The following HIF3A variants were observed in gnomAD, a reference collection of about 807,000 sequenced individuals.
HIF3A encodes hypoxia-inducible factor 3-alpha.
A neutral mutation model predicts 67.2 loss-of-function variants in HIF3A; 41 were observed. The ratio of observed to expected loss-of-function variants is 0.61; its 90% CI spans 0.48 to 0.79. The LOEUF is 0.79. Among genes scored for constraint, HIF3A ranks in the 30% least tolerant of loss-of-function variants. HIF3A has a pLI of 0.00. For missense variants in HIF3A, 855 were observed against 898.0 expected (o/e 0.95, Z 0.61); for synonymous variants, 356 against 374.8 (o/e 0.95, Z 0.58).
At chr19:46,322,458 G>A (rs1307805329) in intron 10 of HIF3A, among the ~76,000 whole-genome samples, 2 of 151,856 alleles carry the variant, frequency 1.3e-5, no homozygotes, top group Non-Finnish European at 2.9e-5. Context: ...TTTTATTTTC[G>A]AGATGGAGTC....
intron 1 of HIF3A, among the ~76,000 whole-genome samples, chr19:46,302,497 C>G (rs1388041965): frequency 6.6e-6 from 1 of 152,210 alleles, no homozygotes; most frequent in African/African-American, 2.4e-5. Context: ...GGGGCACAAT[C>G]ATGGCTCACT....
At chr19:46,303,709 G>C in intron 1 of HIF3A, 189 bp from the exon 2 acceptor site, 1 of 1,571,898 alleles carries the variant, frequency 6.4e-7, no homozygotes, top group Non-Finnish European at 8.6e-7. Context: ...GCTAGGAAGG[G>C]CTCCACAGTG....
intron 2 of HIF3A, among the ~76,000 whole-genome samples, chr19:46,304,446 GTC>G (rs1481104538): frequency 6.6e-6 from 1 of 152,124 alleles, no homozygotes; most frequent in Non-Finnish European, 1.5e-5. Context: ...ATAGGCCCTG[GTC>G]TCTCATAATA....
At chr19:46,298,817 G>A (rs1410881167) in intron 1 of HIF3A, among the ~76,000 whole-genome samples, 1 of 152,084 alleles carries the variant, frequency 6.6e-6, no homozygotes, top group Non-Finnish European at 1.5e-5. Context: ...TCTCTGCAAT[G>A]CCAAAAGGCA....
intron 11 of HIF3A, among the ~76,000 whole-genome samples, chr19:46,326,892 G>A (rs747271738): frequency 2.0e-5 from 3 of 152,264 alleles, no homozygotes; most frequent in Admixed American, 6.5e-5. Context: ...GGTGGCTCAC[G>A]CCTGTAATCC....
chr19:46,323,878 C>T (rs1568532785), intron 10 of HIF3A, among the ~76,000 whole-genome samples: 1 of 152,128 alleles, frequency 6.6e-6, no homozygotes, highest in Non-Finnish European at 1.5e-5. Flanking sequence ...TGGGAGAGAC[C>T]ACCCCCATGA....
intron 11 of HIF3A, 28 bp from the exon 12 acceptor site, chr19:46,329,179 C>A: frequency 6.4e-7 from 1 of 1,564,446 alleles, no homozygotes; most frequent in Non-Finnish European, 8.7e-7. Flanking sequence ...CAAGGCTCAT[C>A]CTCTTACCTC....
chr19:46,328,728 G>GTT (rs113726953), intron 11 of HIF3A, among the ~76,000 whole-genome samples: 3 of 145,804 alleles, frequency 2.1e-5, no homozygotes, highest in African/African-American at 7.5e-5. Context: ...ATTTAGGTTT[G>GTT]TTTTTTTTTT....
rs995956380 is a variant in HIF3A at position 46,339,832 on chromosome 19, C to T, written c.*210C>T. The T allele has an allele frequency of 4.9e-6, 2 of 409,804 alleles. No homozygotes were observed. The highest frequency in any genetic ancestry group is 8.6e-6 in the Non-Finnish European group (2 of 232,314). The allele number at this position is 409,804 out of a possible 1,614,324, so 25.4% of individuals were successfully genotyped here. On this transcript the variant is annotated 3_prime_UTR_variant, in exon 15 of 15. Coordinates refer to ENST00000377670, the MANE Select transcript of HIF3A (RefSeq NM_152795.4). ...TCTGGGGTGGTCTCAGCTCAGTGAC[C>T]TCTGGGAGGTGGTCCCTGGCCCCCT...
Position 46,309,127 on chromosome 19 carries a change from T to G in HIF3A, c.562-24T>G, listed in dbSNP as rs372380496. On this transcript the variant is annotated intron_variant, in intron 5 of 14. Coordinates refer to ENST00000377670, the MANE Select transcript of HIF3A (RefSeq NM_152795.4). ...TCTCAGGCCCAGAGGCACCACTGCC[T>G]TGTCCCCTCATCTCGGCCCCCAGGT... The G allele has an allele frequency of 6.2e-5, 100 of 1,600,718 alleles. No homozygotes were observed. The Middle Eastern group carries it at 1.3e-3, about 21-fold the overall frequency.
chr19:46,334,906 G>A lies in HIF3A; in HGVS notation c.1832G>A (p.Ser611Asn), dbSNP rs766849039. 5 of 1,608,064 alleles carry A rather than the reference G, an allele frequency of 3.1e-6. No homozygotes were observed. The African/African-American group carries it at 6.7e-5, about 21-fold the overall frequency. The change falls in exon 14 of 15, where the codon AGT becomes AAT. Residue 611 changes from serine (S) to asparagine (N), a missense_variant and splice_region_variant. Ser to Asn is a conservative substitution (Grantham distance 46). Coordinates refer to ENST00000377670, the MANE Select transcript of HIF3A (RefSeq NM_152795.4). ...GGTGGCTTTGTCTCTCTCCCACAGA[G>A]TTTCCTTCTGACAGGAGGACCAGCC... is the stretch of plus-strand genomic sequence containing the variant. The part of the protein sequence containing the change: ...ENFLLFPLSL[S>N]FLLTGGPAPG...
chr19:46,313,651 C>T (rs919008287), intron 8 of HIF3A, among the ~76,000 whole-genome samples: 1 of 145,730 alleles, frequency 6.9e-6, no homozygotes, highest in Non-Finnish European at 1.5e-5. Flanking sequence ...ATAGTGGTTA[C>T]ACAATTACCA....
At chr19:46,325,313 A>G (rs1188306685) in intron 10 of HIF3A, among the ~76,000 whole-genome samples, 2 of 152,026 alleles carry the variant, frequency 1.3e-5, no homozygotes, top group East Asian at 3.9e-4. Flanking sequence ...TGATCCTTCT[A>G]ACTGGAACTT....
rs553772870 is a variant in HIF3A at position 46,305,124 on chromosome 19, T to C, written c.218-121T>C. 2.4e-5 allele frequency: 33 copies of C among 1,377,716 alleles called. 1 individual carries two copies. In the South Asian group the frequency reaches 2.7e-4, roughly 11 times the overall value. 85.3% of individuals were successfully genotyped at this position (1,377,716 alleles called of 1,614,324 possible). A position where few individuals can be genotyped will look rare whatever the true frequency, so the allele number is the denominator to read the frequency against. On this transcript the variant is annotated intron_variant, in intron 2 of 14. Transcript: ENST00000377670. The stretch of plus-strand genomic sequence containing the variant: ...GCCACTAGGATGTACCCCCACTTCC[T>C]TGGGGGTGCATGTAAGTTTCTCTGA...
Position 46,303,754 on chromosome 19 carries a change from G to T in HIF3A, c.27-144G>T. The T allele has an allele frequency of 4.0e-6, 6 of 1,514,084 alleles. No homozygotes were observed. The Admixed American group carries it at 1.0e-4, about 25-fold the overall frequency. 93.8% of individuals were successfully genotyped at this position (1,514,084 alleles called of 1,614,324 possible). On this transcript the variant is annotated intron_variant, in intron 1 of 14. Transcript: ENST00000377670. ...CAGGCCCAGGGAGCGCCGCGAACTC[G>T]ACAGGGCCACACATCGAGGCCTGCG...
intron 2 of HIF3A, 62 bp downstream of exon 2, chr19:46,304,150 T>C: frequency 7.0e-7 from 1 of 1,421,054 alleles, no homozygotes; most frequent in Non-Finnish European, 9.5e-7. Flanking sequence ...AAAAACTACA[T>C]CCCAGGGAGG....
chr19:46,318,616 T>G (rs903272194), intron 8 of HIF3A, among the ~76,000 whole-genome samples: 1 of 151,160 alleles, frequency 6.6e-6, no homozygotes, highest in African/African-American at 2.4e-5. Flanking sequence ...AAATTTCATT[T>G]TATTTATTTA....
chr19:46,325,730 A>G, intron 11 of HIF3A, 91 bp downstream of exon 11: 1 of 819,334 alleles, frequency 1.2e-6, no homozygotes. Flanking sequence ...GGATGGTTAA[A>G]GGAATGAATG....
In HIF3A at chr19:46,309,263, C is replaced by G; in HGVS notation, c.674C>G (p.Ala225Gly). ...CAGTGCCTGGTGCTCATCTGCGAAG[C>G]CATCCCCCACCCAGGCAGCCTGGAG... ...PLQCLVLICE[A>G]IPHPGSLEPP... Residue 225 changes from alanine (A) to glycine (G), a missense_variant, in exon 6 of 15, where the codon GCC becomes GGC. By Grantham distance (60) the Ala-to-Gly change is moderately conservative. Coordinates refer to ENST00000377670, the MANE Select transcript of HIF3A (RefSeq NM_152795.4). 6.2e-7 allele frequency: 1 copy of G among 1,613,836 alleles called. No individual in the cohort carries two copies. The highest frequency in any genetic ancestry group is 8.5e-7 in the Non-Finnish European group (1 of 1,179,864).
Sources: gnomAD v4.1 joint callset for allele counts (sites outside exome capture counted in the v4.1 genomes callset) on GRCh38, gnomAD v4.1.1 for gene constraint, MANE v1.5 for transcripts, NCBI Gene and HGNC (gene_info 2026-07-23, HGNC 2026-07-21) for gene names.